Variants in CAMK1D observed in about 807,000 individuals in gnomAD.
CAMK1D encodes the protein calcium/calmodulin dependent protein kinase ID, also known as calcium/calmodulin-dependent protein kinase type 1D.
In CAMK1D, 9 loss-of-function variants were observed where a neutral mutation model predicts 47.7. That is an observed-to-expected ratio of 0.19 (90% confidence interval 0.11 to 0.33). CAMK1D has a LOEUF of 0.33. Among genes scored for constraint, CAMK1D ranks in the 10% least tolerant of loss-of-function variants. CAMK1D has a pLI of 1.00. For synonymous variants in CAMK1D, 184 were observed against 184.9 expected (o/e 0.99, Z 0.04); for missense variants, 291 against 488.7 (o/e 0.60, Z 3.81).
chr10:12,438,282 A>G (rs1238395413), intron 1 of CAMK1D, among the ~76,000 whole-genome samples: 1 of 152,128 alleles, frequency 6.6e-6, no homozygotes, highest in Admixed American at 6.5e-5. Context: ...TGGCTGCTGC[A>G]TGGCTGACTT....
chr10:12,764,381 CAAAA>C (rs56657709), intron 4 of CAMK1D, among the ~76,000 whole-genome samples: 1 of 77,984 alleles, frequency 1.3e-5, no homozygotes, highest in Non-Finnish European at 2.3e-5. Flanking sequence ...CACTTTGTCT[CAAAA>C]AAAAAAAAAA....
chr10:12,598,857 C>A (rs749848150), intron 2 of CAMK1D, among the ~76,000 whole-genome samples: 5 of 152,172 alleles, frequency 3.3e-5, no homozygotes, highest in Non-Finnish European at 7.3e-5. Flanking sequence ...TATAACAAAT[C>A]TATTTTTACG....
intron 1 of CAMK1D, among the ~76,000 whole-genome samples, chr10:12,502,927 G>A (rs1266913008): frequency 1.3e-5 from 2 of 152,216 alleles, no homozygotes; most frequent in African/African-American, 2.4e-5. Flanking sequence ...TGTTGCCTTC[G>A]CAATGGTGGC....
intron 1 of CAMK1D, among the ~76,000 whole-genome samples, chr10:12,363,242 G>GTT (rs111571804): frequency 8.8e-5 from 13 of 146,960 alleles, no homozygotes; most frequent in African/African-American, 3.2e-4. Context: ...CACCCGGCCT[G>GTT]TTTTTTTTTT....
At chr10:12,534,631 G>T (rs1835911887) in intron 1 of CAMK1D, among the ~76,000 whole-genome samples, 1 of 152,194 alleles carries the variant, frequency 6.6e-6, no homozygotes, top group Non-Finnish European at 1.5e-5. Context: ...CTCCCAAAGT[G>T]CTGAGATTAC....
intron 1 of CAMK1D, among the ~76,000 whole-genome samples, chr10:12,396,856 G>A (rs1475044675): frequency 1.3e-5 from 2 of 152,202 alleles, no homozygotes; most frequent in African/African-American, 4.8e-5. Context: ...CTCTTCCTGA[G>A]GTTTGGGTTT....
At chr10:12,411,723 C>T (rs570717541) in intron 1 of CAMK1D, among the ~76,000 whole-genome samples, 17 of 151,986 alleles carry the variant, frequency 1.1e-4, no homozygotes, top group African/African-American at 3.1e-4. Context: ...CTCAGCCTCC[C>T]GAGTAGCTGG....
chr10:12,353,647 G>T (rs945248673), intron 1 of CAMK1D, among the ~76,000 whole-genome samples: 1 of 152,146 alleles, frequency 6.6e-6, no homozygotes, highest in Admixed American at 6.6e-5. Context: ...GTTGTCTGAT[G>T]CACCTCTGAG....
chr10:12,813,604 A>G (rs17583646), intron 6 of CAMK1D, among the ~76,000 whole-genome samples: 5,838 of 152,162 alleles, frequency 0.038, 138 homozygotes, highest in Non-Finnish European at 0.057. Context: ...GGACTTCAAT[A>G]GTTATTTACC....
rs1833081626 is a variant in CAMK1D at position 12,694,096 on chromosome 10, TATATAATATATAA to T, written c.299+27287_299+27299del. 3.8e-5 allele frequency among the ~76,000 whole-genome samples: 2 copies of T among 51,956 alleles called. 1 individual carries two copies. The highest frequency in any genetic ancestry group is 6.4e-5 in the Non-Finnish European group (2 of 31,478). The allele number at this position is 51,956 out of a possible 152,430, so 34.1% of individuals were successfully genotyped here. A position where few individuals can be genotyped will look rare whatever the true frequency, so the allele number is the denominator to read the frequency against. ...AAAAAATATTATGTATAATATATAT[TATATAATATATAA>T]TATATATTATGCATAATATATATTA... is the stretch of plus-strand genomic sequence containing the variant. On this transcript the variant is annotated intron_variant, in intron 3 of 10. Transcript: ENST00000619168.
At chr10:12,358,738 A>G (rs1041703442) in intron 1 of CAMK1D, among the ~76,000 whole-genome samples, 3 of 152,080 alleles carry the variant, frequency 2.0e-5, no homozygotes, top group African/African-American at 7.2e-5. Flanking sequence ...GGGAGATAGG[A>G]GTTGCTGCCT....
intron 1 of CAMK1D, among the ~76,000 whole-genome samples, chr10:12,540,971 G>A (rs1164696311): frequency 6.7e-6 from 1 of 149,874 alleles, no homozygotes; most frequent in Non-Finnish European, 1.5e-5. Context: ...TTTAGCTTAA[G>A]CGTTAGCATA....
intron 2 of CAMK1D, among the ~76,000 whole-genome samples, chr10:12,633,661 A>G (rs1280950385): frequency 2.6e-5 from 4 of 151,986 alleles, no homozygotes; most frequent in Admixed American, 2.6e-4. Flanking sequence ...GGCTCAAGCG[A>G]TCCACCCACC....
chr10:12,588,182 A>T (rs551095117), intron 2 of CAMK1D, among the ~76,000 whole-genome samples: 1 of 152,110 alleles, frequency 6.6e-6, no homozygotes, highest in Non-Finnish European at 1.5e-5. Flanking sequence ...TTGTCCCATA[A>T]ATGGGTGACA....
intron 1 of CAMK1D, among the ~76,000 whole-genome samples, chr10:12,455,264 C>T (rs989881013): frequency 2.0e-4 from 30 of 152,214 alleles, no homozygotes; most frequent in Admixed American, 1.1e-3. Context: ...CTTGACCTCC[C>T]GGGCTTAAGC....
chr10:12,816,363 T>C (rs746757777), intron 8 of CAMK1D, 35 bp downstream of exon 8: 1 of 1,576,174 alleles, frequency 6.3e-7, no homozygotes, highest in Admixed American at 1.7e-5. Flanking sequence ...GACCGTGCCA[T>C]TTAATGCCAT....
intron 3 of CAMK1D, among the ~76,000 whole-genome samples, chr10:12,717,452 G>A (rs1443752947): frequency 1.3e-5 from 2 of 152,166 alleles, no homozygotes; most frequent in African/African-American, 2.4e-5. Flanking sequence ...TAGCAGAACT[G>A]CCTCTTACTC....
intron 1 of CAMK1D, among the ~76,000 whole-genome samples, chr10:12,457,399 A>T (rs1279148069): frequency 6.6e-6 from 1 of 151,922 alleles, no homozygotes; most frequent in Non-Finnish European, 1.5e-5. Flanking sequence ...TCAAAAAAAA[A>T]AAAAGTGTTT....
chr10:12,703,114 A>T (rs1023555455), intron 3 of CAMK1D, among the ~76,000 whole-genome samples: 1 of 152,208 alleles, frequency 6.6e-6, no homozygotes, highest in Admixed American at 6.5e-5. Flanking sequence ...GGTTACTATT[A>T]GGAAGATAGC....
Sources: gnomAD v4.1 joint callset for allele counts (sites outside exome capture counted in the v4.1 genomes callset) on GRCh38, gnomAD v4.1.1 for gene constraint, MANE v1.5 for transcripts, NCBI Gene and HGNC (gene_info 2026-07-23, HGNC 2026-07-21) for gene names.